The following FER1L6 variants were observed in gnomAD, a reference collection of about 807,000 sequenced individuals.
The protein encoded by FER1L6 is fer-1 like family member 6, also known as fer-1-like protein 6.
Under a neutral mutation model 219.2 loss-of-function variants are expected in FER1L6, and 177 were observed. The observed-to-expected ratio is 0.81, with a 90% confidence interval of 0.71 to 0.91. The LOEUF (loss-of-function observed/expected upper bound fraction) is 0.91, where lower values mean the gene tolerates loss of function less well. Among genes scored for constraint, FER1L6 ranks in the 40% least tolerant of loss-of-function variants. The pLI is 0.00. For synonymous variants in FER1L6, 768 were observed against 824.3 expected (o/e 0.93, Z 1.17); for missense variants, 2,153 against 2,259.9 (o/e 0.95, Z 0.96).
chr8:123,951,244 C>A (rs1814750704), intron 1 of FER1L6, among the ~76,000 whole-genome samples: 1 of 152,080 alleles, frequency 6.6e-6, no homozygotes, highest in Non-Finnish European at 1.5e-5. Context: ...TGAAATCACA[C>A]CCTAGGGGAT....
intron 5 of FER1L6, among the ~76,000 whole-genome samples, chr8:123,969,188 T>A (rs563739999): frequency 6.6e-6 from 1 of 152,208 alleles, no homozygotes; most frequent in Non-Finnish European, 1.5e-5. Flanking sequence ...TTTAAATTCT[T>A]TAGTCTTCAG....
In FER1L6 at chr8:124,039,905, G is replaced by A; in HGVS notation, c.2488G>A (p.Ala830Thr). 6.2e-7 allele frequency: 1 copy of A among 1,614,070 alleles called. No individual in the cohort carries two copies. Among genetic ancestry groups the A allele is most frequent in the Non-Finnish European group, 8.5e-7 (1 of 1,179,984 alleles). Reference sequence around the variant, plus strand: ...AGAACAGCATGTTTTTCAGCTGAGGGCTCACATGTACCAAGCCCGGGGCCT... The same window carrying A: ...AGAACAGCATGTTTTTCAGCTGAGGACTCACATGTACCAAGCCCGGGGCCT... Reference protein sequence around the residue: ...YQEQHVFQLRAHMYQARGLIA... With the variant: ...YQEQHVFQLRTHMYQARGLIA... The change falls in exon 20 of 41, where the codon GCT (alanine) becomes ACT (threonine). Residue 830 changes from alanine (A) to threonine (T), a missense_variant. Coordinates refer to ENST00000522917, the MANE Select transcript of FER1L6 (RefSeq NM_001039112.2).
chr8:123,876,959 C>T (rs1034361349), intron 1 of FER1L6, among the ~76,000 whole-genome samples: 2 of 152,226 alleles, frequency 1.3e-5, no homozygotes, highest in Non-Finnish European at 1.5e-5. Flanking sequence ...CTGCTAGGCC[C>T]CTAGGCTGGC....
intron 1 of FER1L6, among the ~76,000 whole-genome samples, chr8:123,879,472 G>A (rs553295595): frequency 2.6e-5 from 4 of 152,002 alleles, no homozygotes; most frequent in East Asian, 1.9e-4. Flanking sequence ...GACTACAGGC[G>A]CCCACCACCA....
At chr8:123,887,985 G>A (rs1303988114) in intron 1 of FER1L6, among the ~76,000 whole-genome samples, 3 of 152,164 alleles carry the variant, frequency 2.0e-5, no homozygotes, top group East Asian at 1.9e-4. Context: ...GATGAAACAA[G>A]TACCCTGACT....
chr8:123,950,266 G>C (rs1011163256), intron 1 of FER1L6, among the ~76,000 whole-genome samples: 1 of 152,104 alleles, frequency 6.6e-6, no homozygotes, highest in African/African-American at 2.4e-5. Context: ...AGCTGTAGAG[G>C]GTGAGGAGCA....
chr8:124,114,909 A>G lies in FER1L6; in HGVS notation c.5290-3935A>G, dbSNP rs990409660. On this transcript the variant is annotated intron_variant, in intron 39 of 40. Coordinates refer to ENST00000522917, the MANE Select transcript of FER1L6 (RefSeq NM_001039112.2). ...TGTGTGTGTGCGTATATATATATAT[A>G]TATATATATATATATATATATATAT... Among the ~76,000 whole-genome samples, 188 of 129,862 alleles carry G rather than the reference A, an allele frequency of 1.4e-3. 2 individuals are homozygous for G. Among genetic ancestry groups the G allele is most frequent in the African/African-American group, 6.5e-3 (178 of 27,522 alleles). The allele number at this position is 129,862 out of a possible 152,430, so 85.2% of individuals were successfully genotyped here.
At chr8:123,988,642 T>C (rs1291764411) in intron 12 of FER1L6, among the ~76,000 whole-genome samples, 3 of 152,264 alleles carry the variant, frequency 2.0e-5, no homozygotes, top group African/African-American at 7.2e-5. Flanking sequence ...TGTTGGCATA[T>C]AGAAATGCTA....
chr8:124,101,210 C>T lies in FER1L6; in HGVS notation c.4997C>T (p.Ala1666Val). The change falls in exon 38 of 41, where the codon GCT becomes GTT. Residue 1666 changes from alanine (A) to valine (V), a missense_variant. Transcript: ENST00000522917. ...CTGTTTCCCTTTCAGTATCTCCCAG[C>T]TGAGAAGCAAATGGTCATTACCAAG... ...RFLFPFQYLPAEKQMVITKRE... is the reference protein window; with the variant it reads ...RFLFPFQYLPVEKQMVITKRE... 3.1e-6 allele frequency: 5 copies of T among 1,613,878 alleles called. No individual in the cohort carries two copies. The highest frequency in any genetic ancestry group is 4.2e-6 in the Non-Finnish European group (5 of 1,179,968).
chr8:123,950,320 C>T (rs1814700046), intron 1 of FER1L6, among the ~76,000 whole-genome samples: 1 of 152,200 alleles, frequency 6.6e-6, no homozygotes, highest in Admixed American at 6.5e-5. Flanking sequence ...AAAGATCCCC[C>T]AACCCTTGGA....
intron 18 of FER1L6, among the ~76,000 whole-genome samples, chr8:124,030,443 G>T (rs1343700301): frequency 6.6e-6 from 1 of 152,050 alleles, no homozygotes; most frequent in African/African-American, 2.4e-5. Context: ...AAAAGTTTAC[G>T]ATCCTCTCCT....
At chr8:123,899,643 A>C (rs955344296) in intron 1 of FER1L6, among the ~76,000 whole-genome samples, 17 of 152,120 alleles carry the variant, frequency 1.1e-4, no homozygotes, top group Non-Finnish European at 2.5e-4. Flanking sequence ...TTATGGTTTC[A>C]GGTCTTAGGT....
intron 39 of FER1L6, among the ~76,000 whole-genome samples, chr8:124,116,956 T>C (rs1823274219): frequency 6.6e-6 from 1 of 152,220 alleles, no homozygotes; most frequent in Non-Finnish European, 1.5e-5. Flanking sequence ...ATCTGGCCAT[T>C]TGACAGATGA....
chr8:123,975,917 G>A lies in FER1L6; in HGVS notation c.703G>A (p.Gly235Arg), dbSNP rs745638659. Residue 235 changes from glycine (G) to arginine (R), a missense_variant, in exon 9 of 41, where the codon GGG becomes AGG. Transcript: ENST00000522917. ...TCTAAGGAACCTTTTGATCCCCAAT[G>A]GGTTTCCACTGGAGAGACCGTGGGC... is the stretch of plus-strand genomic sequence containing the variant. ...PIEKNLLIPNGFPLERPWARF... is the reference protein window; with the variant it reads ...PIEKNLLIPNRFPLERPWARF... 1.6e-5 allele frequency: 26 copies of A among 1,603,360 alleles called. No individual in the cohort carries two copies. Among genetic ancestry groups the A allele is most frequent in the Non-Finnish European group, 1.7e-5 (20 of 1,174,540 alleles).
At chr8:124,114,879 T>A (rs1823170463) in intron 39 of FER1L6, among the ~76,000 whole-genome samples, 1 of 133,958 alleles carries the variant, frequency 7.5e-6, no homozygotes, top group African/African-American at 2.7e-5. Flanking sequence ...TACATATATA[T>A]GCAGTGTGTG....
At chr8:124,006,237 G>A (rs112675281) in intron 13 of FER1L6, among the ~76,000 whole-genome samples, 5 of 152,292 alleles carry the variant, frequency 3.3e-5, no homozygotes, top group African/African-American at 1.2e-4. Flanking sequence ...CTATTGGTGG[G>A]GGTTTCAGGG....
intron 1 of FER1L6, among the ~76,000 whole-genome samples, chr8:123,869,149 A>G (rs1022442615): frequency 1.3e-5 from 2 of 152,202 alleles, no homozygotes; most frequent in African/African-American, 4.8e-5. Flanking sequence ...AAAACAAAGG[A>G]TTACACTAGT....
intron 1 of FER1L6, among the ~76,000 whole-genome samples, chr8:123,949,920 G>C (rs942945401): frequency 6.6e-6 from 1 of 152,204 alleles, no homozygotes. Flanking sequence ...AAAAAAGATA[G>C]GAGTTTGAAG....
chr8:123,979,141 T>C (rs1012533485), intron 10 of FER1L6, among the ~76,000 whole-genome samples: 1 of 152,162 alleles, frequency 6.6e-6, no homozygotes, highest in African/African-American at 2.4e-5. Context: ...TTGATAATAG[T>C]TTCCATACAT....
Sources: gnomAD v4.1 joint callset for allele counts (sites outside exome capture counted in the v4.1 genomes callset) on GRCh38, gnomAD v4.1.1 for gene constraint, MANE v1.5 for transcripts, NCBI Gene and HGNC (gene_info 2026-07-23, HGNC 2026-07-21) for gene names.